Variants in SART1 observed in about 807,000 individuals in gnomAD.
SART1 encodes spliceosome associated factor 1, recruiter of U4/U6.U5 tri-snRNP.
Under a neutral mutation model 105.0 loss-of-function variants are expected in SART1, and 28 were observed. The ratio of observed to expected loss-of-function variants is 0.27; its 90% CI spans 0.20 to 0.37. The LOEUF (loss-of-function observed/expected upper bound fraction) is 0.37, where lower values mean the gene tolerates loss of function less well. Among genes scored for constraint, SART1 ranks in the 10% least tolerant of loss-of-function variants. The pLI is 1.00. For missense variants in SART1, 894 were observed against 1,106.5 expected (o/e 0.81, Z 2.72); for synonymous variants, 472 against 462.9 (o/e 1.02, Z -0.25).
At position 65,977,846 on chromosome 11, in the gene SART1, G is replaced by A. The variant is rs759982807; in HGVS notation, c.2119G>A (p.Asp707Asn). 1.2e-5 allele frequency: 19 copies of A among 1,613,928 alleles called. No homozygotes were observed. The highest frequency in any genetic ancestry group is 1.4e-5 in the Non-Finnish European group (17 of 1,179,962). The change falls in exon 17 of 20, where the codon GAC (aspartate) becomes AAC (asparagine). Residue 707 changes from aspartate (D) to asparagine (N), a missense_variant. Transcript: ENST00000312397. ...CAAGGAGAAGGACGGCTACAAACCC[G>A]ACGTTAAGATCGAATACGTGGATGA... ...DFKEKDGYKP[D>N]VKIEYVDETG...
At chr11:65,965,803 CA>C (rs1646314933) in intron 6 of SART1, 24 bp downstream of exon 6, 1 of 1,613,474 alleles carries the variant, frequency 6.2e-7, no homozygotes, top group African/African-American at 1.3e-5. Context: ...AGGGGTGGTA[CA>C]GGGGACACTG....
At chr11:65,966,268 G>A in intron 8 of SART1, 50 bp downstream of exon 8, 1 of 1,613,750 alleles carries the variant, frequency 6.2e-7, no homozygotes, top group Non-Finnish European at 8.5e-7. Flanking sequence ...AGAATGTCGG[G>A]AATGGGGGCT....
rs532399839 is a variant in SART1 at position 65,975,870 on chromosome 11, G to C, written c.1573-525G>C. 1.3e-4 allele frequency among the ~76,000 whole-genome samples: 20 copies of C among 152,214 alleles called. No individual in the cohort carries two copies. The East Asian group carries it at 3.1e-3, about 24-fold the overall frequency. On this transcript the variant is annotated intron_variant, in intron 12 of 19. Coordinates refer to ENST00000312397, the MANE Select transcript of SART1 (RefSeq NM_005146.5). ...AAGCAGAGGGTGCTGGTGCCCGTGTGGGGGTCGCTGGATTCAGTGCTGGCA... is the reference window on the plus strand; with the variant it reads ...AAGCAGAGGGTGCTGGTGCCCGTGTCGGGGTCGCTGGATTCAGTGCTGGCA...
Position 65,965,438 on chromosome 11 carries a change from A to G in SART1, c.651A>G (p.Ala217=). The G allele has an allele frequency of 1.9e-6, 3 of 1,557,034 alleles. No homozygotes were observed. The highest frequency in any genetic ancestry group is 2.6e-6 in the Non-Finnish European group (3 of 1,150,696). The change falls in exon 5 of 20, where the codon GCA becomes GCG. Residue 217 remains alanine, a synonymous_variant. Coordinates refer to ENST00000312397, the MANE Select transcript of SART1 (RefSeq NM_005146.5). ...SRQLQKEKDL[A]EKRAKLLEEM... Reference sequence around the variant, plus strand: ...AGCTGCAGAAGGAGAAGGACCTGGCAGAGAAGAGGGTGAGCACCTGGGCAG... The same window carrying G: ...AGCTGCAGAAGGAGAAGGACCTGGCGGAGAAGAGGGTGAGCACCTGGGCAG...
intron 12 of SART1, among the ~76,000 whole-genome samples, chr11:65,971,875 A>T (rs1855385987): frequency 6.6e-6 from 1 of 152,044 alleles, no homozygotes; most frequent in South Asian, 2.1e-4. Flanking sequence ...TAATACAGTC[A>T]ATGAGCTAGA....
chr11:65,965,648 T>C (rs981820849), intron 5 of SART1, 54 bp from the exon 6 acceptor site: 20 of 1,565,856 alleles, frequency 1.3e-5, no homozygotes, highest in Admixed American at 6.8e-5. Flanking sequence ...CCTGAGTGTT[T>C]TCTGGTGATG....
At chr11:65,972,291 G>A (rs939122974) in intron 12 of SART1, among the ~76,000 whole-genome samples, 1 of 152,110 alleles carries the variant, frequency 6.6e-6, no homozygotes, top group African/African-American at 2.4e-5. Context: ...GCGGGGCCCC[G>A]AGACAGAATC....
At chr11:65,964,163 T>A (rs1453792580) in intron 2 of SART1, 32 bp downstream of exon 2, 2 of 1,603,152 alleles carry the variant, frequency 1.2e-6, no homozygotes, top group Admixed American at 3.3e-5. Context: ...TCTACTTTGT[T>A]TTTCTAAGAG....
chr11:65,976,440 G>A lies in SART1; in HGVS notation c.1618G>A (p.Glu540Lys). 2 of 1,568,830 alleles carry A rather than the reference G, an allele frequency of 1.3e-6. No individual in the cohort carries two copies. Among genetic ancestry groups the A allele is most frequent in the Non-Finnish European group, 1.7e-6 (2 of 1,159,140 alleles). Reference protein sequence around the residue: ...KKLESRQRGWEEDEDPERKGA... With the variant: ...KKLESRQRGWKEDEDPERKGA... ...GCTGGAGTCTCGCCAGCGGGGCTGG[G>A]AGGAGGATGAGGATCCCGAGCGGAA... The change falls in exon 13 of 20, where the codon GAG becomes AAG. Residue 540 changes from glutamate (E) to lysine (K), a missense_variant. Coordinates refer to ENST00000312397, the MANE Select transcript of SART1 (RefSeq NM_005146.5). The surrounding 1 kb of genome is among the most constrained non-coding windows in gnomAD (Gnocchi z 5.1).
rs1297706554 is a variant in SART1, at chr11:65,961,773, G to A, written c.-8G>A. 1 of 1,501,980 alleles carries A rather than the reference G, an allele frequency of 6.7e-7. No homozygotes were observed. Among genetic ancestry groups the A allele is most frequent in the Non-Finnish European group, 8.8e-7 (1 of 1,133,048 alleles). The allele number at this position is 1,501,980 out of a possible 1,614,324, so 93.0% of individuals were successfully genotyped here. ...GGCGGCAGCCGGGCTCGGAGTGGAC[G>A]TGCCACTATGGGGTCGTCCAAGAAG... On this transcript the variant is annotated 5_prime_UTR_variant, in exon 1 of 20. In the 5' UTR this introduces an upstream ATG that the reference lacks. Coordinates refer to ENST00000312397, the MANE Select transcript of SART1 (RefSeq NM_005146.5).
intron 12 of SART1, among the ~76,000 whole-genome samples, chr11:65,973,168 C>T (rs1043739134): frequency 2.0e-5 from 3 of 151,104 alleles, no homozygotes; most frequent in Non-Finnish European, 2.9e-5. Flanking sequence ...AGCAAGACTC[C>T]GTCTCAAAAA....
intron 12 of SART1, among the ~76,000 whole-genome samples, chr11:65,972,903 G>A (rs1281888860): frequency 1.3e-5 from 2 of 152,144 alleles, no homozygotes; most frequent in Non-Finnish European, 2.9e-5. Flanking sequence ...CGGGCGCGAT[G>A]GCTCACGCCT....
intron 11 of SART1, 21 bp from the exon 12 acceptor site, chr11:65,967,658 C>T (rs1298101230): frequency 6.3e-7 from 1 of 1,584,704 alleles, no homozygotes; most frequent in Non-Finnish European, 8.6e-7. Flanking sequence ...TCTGAGCAGG[C>T]ATCCCCTGTG....
chr11:65,972,415 T>G (rs1855396837), intron 12 of SART1, among the ~76,000 whole-genome samples: 2 of 152,152 alleles, frequency 1.3e-5, no homozygotes, highest in South Asian at 4.1e-4. Flanking sequence ...GCAGATAGAT[T>G]AAGAACTTCA....
In SART1 at chr11:65,978,639, T is replaced by C; in HGVS notation, c.2212T>C (p.Ser738Pro). ...GTCGCACCGCTTCCATGGCAAGGGC[T>C]CAGGCAAGATGAAGACAGAGCGGCG... ...QLSHRFHGKGSGKMKTERRMK... is the reference protein window; with the variant it reads ...QLSHRFHGKGPGKMKTERRMK... The change falls in exon 18 of 20, where the codon TCA becomes CCA. Residue 738 changes from serine to proline, a missense_variant. Physicochemically the swap from Ser to Pro is moderately conservative, Grantham distance 74. Transcript: ENST00000312397. This position sits in a 1 kb window ranked among gnomAD's most constrained non-coding sequence, Gnocchi z 6.8. 1 of 1,586,336 alleles carries C rather than the reference T, an allele frequency of 6.3e-7. No homozygotes were observed. The highest frequency in any genetic ancestry group is 8.6e-7 in the Non-Finnish European group (1 of 1,166,342).
In SART1 at chr11:65,978,992, G is replaced by T. The variant is rs150474893; in HGVS notation, c.2385-20G>T. The T allele has an allele frequency of 6.7e-4, 1,075 of 1,614,044 alleles. 9 individuals carry two copies. The African/African-American group carries it at 0.012, about 19-fold the overall frequency. On this transcript the variant is annotated intron_variant, in intron 19 of 19. Transcript: ENST00000312397. This position sits in a 1 kb window ranked among gnomAD's most constrained non-coding sequence, Gnocchi z 6.8. ...CCTGTGCCCGCCTCTGCAGCCTCAC[G>T]CCCCTGTTCTTCTCTGCAGGAACAC... is the stretch of plus-strand genomic sequence containing the variant.
intron 12 of SART1, among the ~76,000 whole-genome samples, chr11:65,975,011 G>T (rs1254199713): frequency 5.9e-5 from 9 of 151,956 alleles, no homozygotes; most frequent in African/African-American, 2.2e-4. Context: ...CTGCACTCCA[G>T]CCTGGGCGAC....
rs751676782 is a variant in SART1 at position 65,966,501 on chromosome 11, C to G, written c.1133C>G (p.Ser378Cys). The change falls in exon 9 of 20, where the codon TCC becomes TGC. Residue 378 changes from serine to cysteine, a missense_variant. Around this residue, in one of 2 missense-constraint regions of SART1, gnomAD observed 712 missense variants for 778.2 expected, o/e 0.91. Transcript: ENST00000312397. ...GCCAAGCTGCGGCTGCAGGCTCAGT[C>G]CCTGAGCACAGTGGGGCCCCGGCTG... ...IRAKLRLQAQ[S>C]LSTVGPRLAS... The G allele has an allele frequency of 6.3e-7, 1 of 1,598,402 alleles. No individual in the cohort carries two copies. The highest frequency in any genetic ancestry group is 1.1e-5 in the South Asian group (1 of 88,722).
At position 65,976,168 on chromosome 11, in the gene SART1, G is replaced by C. The variant is rs1028159712; in HGVS notation, c.1573-227G>C. On this transcript the variant is annotated intron_variant, in intron 12 of 19. Coordinates refer to ENST00000312397, the MANE Select transcript of SART1 (RefSeq NM_005146.5). The surrounding 1 kb of genome is among the most constrained non-coding windows in gnomAD (Gnocchi z 5.1). ...GGTCAGGAAGGCCCTGTAGGATGTTGGGTATTCATTCAAAGGGCATCCAAA... is the reference window on the plus strand; with the variant it reads ...GGTCAGGAAGGCCCTGTAGGATGTTCGGTATTCATTCAAAGGGCATCCAAA... Among the ~76,000 whole-genome samples the C allele has an allele frequency of 6.6e-6, 1 of 152,134 alleles. No homozygotes were observed. The highest frequency in any genetic ancestry group is 2.4e-5 in the African/African-American group (1 of 41,426).
Sources: gnomAD v4.1 joint callset for allele counts (sites outside exome capture counted in the v4.1 genomes callset) on GRCh38, gnomAD v4.1.1 for gene constraint, gnomAD v4.1.1 regional missense constraint, Gnocchi (gnomAD v3.1) non-coding constraint, MANE v1.5 for transcripts, NCBI Gene and HGNC (gene_info 2026-07-23, HGNC 2026-07-21) for gene names.